Variants in ASH2L observed in about 807,000 individuals in gnomAD.
ASH2L encodes the protein set1/Ash2 histone methyltransferase complex subunit ASH2.
ASH2L carries 30 observed loss-of-function variants against 81.1 expected under a neutral mutation model. The ratio of observed to expected loss-of-function variants is 0.37; its 90% CI spans 0.28 to 0.50. The LOEUF is 0.50. Ranked by LOEUF, ASH2L falls within the 20% of genes least tolerant of loss-of-function variation. The probability of loss-of-function intolerance (pLI) is 0.95; values close to 1 mark genes in which losing one functional copy is unlikely to be tolerated. For missense variants in ASH2L, 559 were observed against 792.1 expected, an observed-to-expected ratio of 0.71 and a Z score of 3.53; for synonymous variants, 273 against 279.9, an observed-to-expected ratio of 0.98 and a Z score of 0.24.
chr8:38,120,871 T>G, intron 9 of ASH2L, 61 bp from the exon 10 acceptor site: 1 of 1,395,142 alleles, frequency 7.2e-7, no homozygotes, highest in Non-Finnish European at 1.0e-6. Flanking sequence ...TCTTACACAG[T>G]TGAATGCATT....
At chr8:38,120,308 G>A (rs951973400) in intron 9 of ASH2L, among the ~76,000 whole-genome samples, 3 of 152,150 alleles carry the variant, frequency 2.0e-5, no homozygotes, top group Non-Finnish European at 2.9e-5. Context: ...AGTGAAACCA[G>A]TGTTGAATGT....
chr8:38,116,624 T>C, intron 7 of ASH2L, 26 bp from the exon 8 acceptor site: 1 of 1,589,094 alleles, frequency 6.3e-7, no homozygotes, highest in Non-Finnish European at 8.6e-7. Context: ...CGTAGACTCC[T>C]TTTTTAATTG....
intron 10 of ASH2L, among the ~76,000 whole-genome samples, chr8:38,123,675 G>C (rs1801720985): frequency 6.6e-6 from 1 of 152,124 alleles, no homozygotes; most frequent in African/African-American, 2.4e-5. Context: ...GAGCTGTACA[G>C]AACGGTTTAC....
intron 10 of ASH2L, among the ~76,000 whole-genome samples, chr8:38,122,716 A>AGATG (rs1801682933): frequency 6.6e-6 from 1 of 151,520 alleles, no homozygotes; most frequent in South Asian, 2.1e-4. Context: ...GTGAATAATT[A>AGATG]GATAATTATC....
At chr8:38,131,284 CTT>C (rs1802049449) in intron 12 of ASH2L, among the ~76,000 whole-genome samples, 1 of 151,962 alleles carries the variant, frequency 6.6e-6, no homozygotes, top group Non-Finnish European at 1.5e-5. Context: ...GAGGTCTGCA[CTT>C]AAAAGGATTC....
At chr8:38,116,271 C>T (rs971481583) in intron 7 of ASH2L, among the ~76,000 whole-genome samples, 2 of 152,062 alleles carry the variant, frequency 1.3e-5, no homozygotes, top group African/African-American at 4.8e-5. Flanking sequence ...GAGGCTGAGG[C>T]AAGAGAATCA....
chr8:38,114,989 C>G lies in ASH2L; in HGVS notation c.766C>G (p.Leu256Val), dbSNP rs2130497886. The G allele has an allele frequency of 6.2e-7, 1 of 1,605,656 alleles. No homozygotes were observed. Among genetic ancestry groups the G allele is most frequent in the Non-Finnish European group, 8.5e-7 (1 of 1,172,450 alleles). The change falls in exon 7 of 16, where the codon CTT becomes GTT. Residue 256 changes from leucine to valine, a missense_variant. Leu to Val is a conservative substitution (Grantham distance 32). Transcript: ENST00000343823. ...DPEEDYPKFG[L>V]LDQDLSNIGP... Reference sequence around the variant, plus strand: ...AGAAGAAGATTACCCCAAATTTGGACTTTTGGATCAGGTACATTAATATGT... The same window carrying G: ...AGAAGAAGATTACCCCAAATTTGGAGTTTTGGATCAGGTACATTAATATGT...
chr8:38,136,827 C>T (rs1219279520), intron 14 of ASH2L, among the ~76,000 whole-genome samples: 5 of 151,536 alleles, frequency 3.3e-5, no homozygotes, highest in Admixed American at 1.3e-4. Flanking sequence ...CGCGGTGGCT[C>T]ATGCCTGTAA....
At chr8:38,138,141 G>A (rs986524956) in intron 14 of ASH2L, 9 of 152,250 alleles carry the variant, frequency 5.9e-5, no homozygotes, top group East Asian at 3.9e-4. Flanking sequence ...TTAGCCAGGC[G>A]TGGTGGTACA....
chr8:38,125,271 TA>T (rs975267750), intron 10 of ASH2L, among the ~76,000 whole-genome samples: 1 of 152,104 alleles, frequency 6.6e-6, no homozygotes, highest in Non-Finnish European at 1.5e-5. Flanking sequence ...TTTTCTGAAT[TA>T]AAAAAATATA....
intron 14 of ASH2L, among the ~76,000 whole-genome samples, chr8:38,136,412 A>T: frequency 6.6e-6 from 1 of 150,670 alleles, no homozygotes. Context: ...AACATGAAGA[A>T]GGGTACTATC....
At chr8:38,110,522 G>C (rs923420341) in intron 4 of ASH2L, 55 bp downstream of exon 4, 1 of 1,520,014 alleles carries the variant, frequency 6.6e-7, no homozygotes, top group Admixed American at 1.7e-5. Flanking sequence ...AAAGAAAAGG[G>C]ATCTGGGCGT....
Position 38,105,689 on chromosome 8 carries a change from A to G in ASH2L, c.139A>G (p.Ile47Val). The G allele has an allele frequency of 1.3e-6, 2 of 1,580,428 alleles. No homozygotes were observed. The highest frequency in any genetic ancestry group is 1.7e-6 in the Non-Finnish European group (2 of 1,164,816). ...AGCAGCCGCTCCTCCTGGAGAGGGG[A>G]TCTCTGCTGCTCCGACAGTTGAGCC... ...AGAAAPPGEGISAAPTVEPSS... is the reference protein window; with the variant it reads ...AGAAAPPGEGVSAAPTVEPSS... The change falls in exon 1 of 16, where the codon ATC (isoleucine) becomes GTC (valine). Residue 47 changes from isoleucine to valine, a missense_variant. By Grantham distance (29) the Ile-to-Val change is conservative. Transcript: ENST00000343823.
intron 3 of ASH2L, among the ~76,000 whole-genome samples, chr8:38,107,898 GTGTGTGTA>G (rs1172700496): frequency 2.9e-4 from 42 of 143,866 alleles, no homozygotes; most frequent in Admixed American, 1.3e-3. Context: ...GTGTGTGTGT[GTGTGTGTA>G]TATGTATATA....
chr8:38,119,300 G>C lies in ASH2L; in HGVS notation c.884G>C (p.Gly295Ala). ...GGIAAGSSGK[G>A]RGAKRKQQDG... Reference sequence around the variant, plus strand: ...ATTGCAGCAGGAAGCAGCGGAAAAGGACGAGGAGCCAAGCGCAAACAGCAG... The same window carrying C: ...ATTGCAGCAGGAAGCAGCGGAAAAGCACGAGGAGCCAAGCGCAAACAGCAG... Residue 295 changes from glycine to alanine, a missense_variant, in exon 9 of 16, where the codon GGA becomes GCA. Coordinates refer to ENST00000343823, the MANE Select transcript of ASH2L (RefSeq NM_004674.5). 1 of 1,551,154 alleles carries C rather than the reference G, an allele frequency of 6.4e-7. No homozygotes were observed. Among genetic ancestry groups the C allele is most frequent in the South Asian group, 1.2e-5 (1 of 83,912 alleles).
In ASH2L at chr8:38,118,014, G is replaced by A. The variant is rs184337408; in HGVS notation, c.854-1256G>A. Among the ~76,000 whole-genome samples, 45 of 152,288 alleles carry A rather than the reference G, an allele frequency of 3.0e-4. No individual in the cohort carries two copies. In the East Asian group the frequency reaches 8.1e-3, roughly 27 times the overall value. ...GCAGAGGTTGCAGTGAGCCGAGATC[G>A]TGCCACTGCACTCCAGCTTGGGCAA... On this transcript the variant is annotated intron_variant, in intron 8 of 15. Transcript: ENST00000343823.
At chr8:38,111,994 C>T (rs1810701294) in intron 5 of ASH2L, among the ~76,000 whole-genome samples, 1 of 152,160 alleles carries the variant, frequency 6.6e-6, no homozygotes, top group South Asian at 2.1e-4. Context: ...ACTGTTTTGT[C>T]TCTAATCTAT....
At chr8:38,133,665 C>T in intron 13 of ASH2L, 119 bp downstream of exon 13, 1 of 759,254 alleles carries the variant, frequency 1.3e-6, no homozygotes, top group Non-Finnish European at 2.1e-6. Context: ...TCTGGTAGCC[C>T]CACTGGCCAG....
At chr8:38,132,634 A>G (rs1174232192) in intron 12 of ASH2L, among the ~76,000 whole-genome samples, 1 of 151,028 alleles carries the variant, frequency 6.6e-6, no homozygotes, top group Non-Finnish European at 1.5e-5. Context: ...CCCCGTCTTT[A>G]CTAAAAATAC....
Sources: gnomAD v4.1 joint callset for allele counts (sites outside exome capture counted in the v4.1 genomes callset) on GRCh38, gnomAD v4.1.1 for gene constraint, MANE v1.5 for transcripts, NCBI Gene and HGNC (gene_info 2026-07-23, HGNC 2026-07-21) for gene names.